Variants in THSD7A observed in about 807,000 individuals in gnomAD.
THSD7A encodes the protein thrombospondin type-1 domain-containing protein 7A.
A neutral mutation model predicts 231.3 loss-of-function variants in THSD7A; 96 were observed. The observed-to-expected ratio is 0.41, with a 90% CI of 0.35 to 0.49. THSD7A has a LOEUF of 0.49. Among genes scored for constraint, THSD7A ranks in the 20% least tolerant of loss-of-function variants. The pLI is 0.05. For missense variants in THSD7A, 2,290 were observed against 2,070.2 expected (o/e 1.11, Z -2.06); for synonymous variants, 940 against 743.3 (o/e 1.26, Z -4.30).
intron 1 of THSD7A, among the ~76,000 whole-genome samples, chr7:11,667,290 G>T (rs983147047): frequency 1.3e-5 from 2 of 152,008 alleles, no homozygotes; most frequent in African/African-American, 4.8e-5. Context: ...CCACTTATAA[G>T]TGAGAACATG....
intron 1 of THSD7A, among the ~76,000 whole-genome samples, chr7:11,695,930 G>A (rs1221201779): frequency 6.6e-6 from 1 of 151,512 alleles, no homozygotes; most frequent in African/African-American, 2.4e-5. Flanking sequence ...GGAGGCTATT[G>A]CAGTGGCCCA....
chr7:11,430,808 T>C (rs1784457805), intron 13 of THSD7A, among the ~76,000 whole-genome samples: 2 of 152,244 alleles, frequency 1.3e-5, no homozygotes, highest in Non-Finnish European at 2.9e-5. Flanking sequence ...GGTTCATTTA[T>C]GTTATAGCAT....
chr7:11,635,155 TTA>T (rs548203035), intron 2 of THSD7A, among the ~76,000 whole-genome samples: 14 of 152,298 alleles, frequency 9.2e-5, no homozygotes, highest in Admixed American at 9.2e-4. Flanking sequence ...GAAATTTGTC[TTA>T]TATGTTTTTT....
chr7:11,460,544 G>C lies in THSD7A; in HGVS notation c.2605+118C>G, dbSNP rs138498260. The C allele has an allele frequency of 4.9e-4, 328 of 670,258 alleles. No homozygotes were observed. In the African/African-American group the frequency reaches 5.1e-3, roughly 10 times the overall value. 41.5% of individuals were successfully genotyped at this position (670,258 alleles called of 1,614,324 possible). A position where few individuals can be genotyped will look rare whatever the true frequency, so the allele number is the denominator to read the frequency against. ...CTGATGTTTTGTGGAATGGCTCATA[G>C]CAGATTTATATCTGCTTTGCTCTGT... On this transcript the variant is annotated intron_variant, in intron 11 of 27. Coordinates refer to ENST00000423059, the MANE Select transcript of THSD7A (RefSeq NM_015204.3).
intron 2 of THSD7A, among the ~76,000 whole-genome samples, chr7:11,599,394 G>C (rs1348939880): frequency 6.6e-6 from 1 of 152,110 alleles, no homozygotes; most frequent in Non-Finnish European, 1.5e-5. Flanking sequence ...ACGACCACGT[G>C]GCCAGCTGCA....
chr7:11,692,749 C>T (rs536909251), intron 1 of THSD7A, among the ~76,000 whole-genome samples: 5 of 151,584 alleles, frequency 3.3e-5, no homozygotes, highest in African/African-American at 1.2e-4. Flanking sequence ...ATTAATTTTT[C>T]AATATAAAAT....
At chr7:11,797,584 T>C (rs371828064) in intron 1 of THSD7A, among the ~76,000 whole-genome samples, 17 of 151,980 alleles carry the variant, frequency 1.1e-4, no homozygotes, top group Non-Finnish European at 1.9e-4. Context: ...GTCTGACTAA[T>C]TTTTTTAATA....
chr7:11,481,622 G>A (rs1043417667), intron 7 of THSD7A, among the ~76,000 whole-genome samples, 166 bp downstream of exon 7: 2 of 152,222 alleles, frequency 1.3e-5, no homozygotes, highest in South Asian at 4.2e-4. Context: ...GATTAATTTT[G>A]GGGGACAGAA....
At position 11,821,868 on chromosome 7, in the gene THSD7A, C is replaced by T. The variant is rs191375136; in HGVS notation, c.190+9889G>A. Among the ~76,000 whole-genome samples the T allele has an allele frequency of 8.5e-5, 13 of 152,234 alleles. No individual in the cohort carries two copies. In the East Asian group the frequency reaches 2.5e-3, roughly 29 times the overall value. ...AATATGGGCATAATAGAAAACAATA[C>T]CCCAAAGGTTATGATTTCACATACT... On this transcript the variant is annotated intron_variant, in intron 1 of 27. Coordinates refer to ENST00000423059, the MANE Select transcript of THSD7A (RefSeq NM_015204.3).
intron 1 of THSD7A, among the ~76,000 whole-genome samples, chr7:11,737,178 T>A (rs1324559757): frequency 1.3e-5 from 2 of 152,064 alleles, no homozygotes; most frequent in Non-Finnish European, 2.9e-5. Flanking sequence ...CTTTAGTATT[T>A]ATTTCATTTT....
intron 4 of THSD7A, among the ~76,000 whole-genome samples, chr7:11,569,821 C>T (rs1790543198): frequency 6.6e-6 from 1 of 152,138 alleles, no homozygotes; most frequent in African/African-American, 2.4e-5. Context: ...GGTACATGTA[C>T]ACAATGGTAT....
rs1212235197 is a variant in THSD7A at position 11,411,250 on chromosome 7, A to G, written c.3755T>C (p.Val1252Ala). ...NGIKTRMLDC[V>A]RSDGKSVDLK... ...GTCAACTGACTTGCCATCACTTCGA[A>G]CACAATCCAACATCCTTGTTTTTAT... Residue 1252 changes from valine to alanine, a missense_variant, in exon 19 of 28, where the codon GTT (valine) becomes GCT (alanine). By Grantham distance (64) the Val-to-Ala change is moderately conservative. Coordinates refer to ENST00000423059, the MANE Select transcript of THSD7A (RefSeq NM_015204.3). The surrounding 1 kb of genome is among the most constrained non-coding windows in gnomAD (Gnocchi z 4.1). The G allele has an allele frequency of 6.2e-7, 1 of 1,613,894 alleles. No individual in the cohort carries two copies. The highest frequency in any genetic ancestry group is 8.5e-7 in the Non-Finnish European group (1 of 1,179,836).
chr7:11,447,766 T>A (rs558759352), intron 11 of THSD7A, among the ~76,000 whole-genome samples: 2 of 152,238 alleles, frequency 1.3e-5, no homozygotes, highest in East Asian at 3.9e-4. Context: ...AGACAAACCA[T>A]ACGTGGGTTC....
intron 2 of THSD7A, among the ~76,000 whole-genome samples, chr7:11,628,943 G>A (rs1014207667): frequency 1.3e-5 from 2 of 152,248 alleles, no homozygotes; most frequent in East Asian, 3.9e-4. Context: ...GAGTGGTATA[G>A]CATCTTGCAG....
intron 6 of THSD7A, among the ~76,000 whole-genome samples, chr7:11,537,402 T>C (rs1788957584): frequency 6.6e-6 from 1 of 152,180 alleles, no homozygotes; most frequent in African/African-American, 2.4e-5. Flanking sequence ...CAGGGGTAGA[T>C]TTCTTATGAA....
intron 1 of THSD7A, among the ~76,000 whole-genome samples, chr7:11,768,373 C>T (rs1783096354): frequency 6.6e-6 from 1 of 152,134 alleles, no homozygotes; most frequent in African/African-American, 2.4e-5. Flanking sequence ...CACAAACTGG[C>T]TTGACACCAT....
chr7:11,402,975 G>C lies in THSD7A; in HGVS notation c.4238-1007C>G, dbSNP rs182164447. Among the ~76,000 whole-genome samples, 445 of 152,236 alleles carry C rather than the reference G, an allele frequency of 2.9e-3. 7 individuals are homozygous for C. Among genetic ancestry groups the C allele is most frequent in the African/African-American group, 9.6e-3 (398 of 41,538 alleles). On this transcript the variant is annotated intron_variant, in intron 22 of 27. Coordinates refer to ENST00000423059, the MANE Select transcript of THSD7A (RefSeq NM_015204.3). ...ATTTCTGTTGGGTATGTACCTAGGAGTGCAATTGCTGGGCCATAGTGCATC... is the reference window on the plus strand; with the variant it reads ...ATTTCTGTTGGGTATGTACCTAGGACTGCAATTGCTGGGCCATAGTGCATC...
chr7:11,699,914 T>G (rs1484101672), intron 1 of THSD7A, among the ~76,000 whole-genome samples: 3 of 151,324 alleles, frequency 2.0e-5, no homozygotes, highest in Admixed American at 6.6e-5. Context: ...TCTGTCCCAG[T>G]ACGTCTTGTC....
At chr7:11,551,680 A>AAAAGTC (rs1789633594) in intron 4 of THSD7A, among the ~76,000 whole-genome samples, 1 of 152,160 alleles carries the variant, frequency 6.6e-6, no homozygotes, top group South Asian at 2.1e-4. Context: ...GCTACTATTA[A>AAAAGTC]AAAGTCAAAA....
Sources: allele counts gnomAD v4.1 joint callset (sites outside exome capture counted in the v4.1 genomes callset), GRCh38; gene constraint gnomAD v4.1.1; non-coding constraint Gnocchi (gnomAD v3.1); transcripts MANE v1.5; gene names NCBI Gene and HGNC (gene_info 2026-07-23, HGNC 2026-07-21).